Variants in ITGAL observed in about 807,000 individuals in gnomAD.
ITGAL encodes the protein integrin subunit alpha L, also known as integrin alpha-L.
Under a neutral mutation model 138.4 loss-of-function variants are expected in ITGAL, and 68 were observed. The ratio of observed to expected loss-of-function variants is 0.49; its 90% CI spans 0.40 to 0.60. The LOEUF is 0.60. Ranked by LOEUF, ITGAL falls within the 20% of genes least tolerant of loss-of-function variation. ITGAL has a pLI of 0.00. For missense variants in ITGAL, 1,256 were observed against 1,478.6 expected, an observed-to-expected ratio of 0.85 and a Z score of 2.47; for synonymous variants, 561 against 584.3, an observed-to-expected ratio of 0.96 and a Z score of 0.57.
intron 13 of ITGAL, among the ~76,000 whole-genome samples, chr16:30,495,578 C>T (rs1316363223): frequency 6.6e-6 from 1 of 151,996 alleles, no homozygotes; most frequent in Non-Finnish European, 1.5e-5. Flanking sequence ...GCCTGTAATC[C>T]CAGCACTTTG....
intron 11 of ITGAL, among the ~76,000 whole-genome samples, chr16:30,490,618 C>T (rs187230154): frequency 4.3e-4 from 65 of 152,272 alleles, no homozygotes; most frequent in African/African-American, 1.5e-3. Flanking sequence ...CTTTCAATGA[C>T]AGTGACTCTC....
chr16:30,475,257 TG>T, intron 2 of ITGAL, 48 bp from the exon 3 acceptor site: 2 of 1,311,014 alleles, frequency 1.5e-6, no homozygotes, highest in Non-Finnish European at 1.1e-6. Flanking sequence ...CAGGAGTAGA[TG>T]GGTACAGATC....
intron 2 of ITGAL, 144 bp downstream of exon 2, chr16:30,474,442 G>C (rs556302942): frequency 1.6e-6 from 1 of 623,762 alleles, no homozygotes; most frequent in Admixed American, 2.9e-5. Context: ...AGCCTGTGGT[G>C]GGAATCCTCA....
intron 4 of ITGAL, among the ~76,000 whole-genome samples, chr16:30,477,741 C>G (rs2050491382): frequency 6.6e-6 from 1 of 151,484 alleles, no homozygotes; most frequent in Non-Finnish European, 1.5e-5. Context: ...AAAAAAATAG[C>G]CAGGCATGGT....
Position 30,518,483 on chromosome 16 carries a change from A to G in ITGAL, c.3133-141A>G, listed in dbSNP as rs1336015100. On this transcript the variant is annotated intron_variant, in intron 28 of 30. Coordinates refer to ENST00000356798, the MANE Select transcript of ITGAL (RefSeq NM_002209.3). ...AAAAAAATAGAAAGAAAAGAATGCC[A>G]CAATAGAGAGTTGTGTAGAGATGGG... 3 of 602,960 alleles carry G rather than the reference A, an allele frequency of 5.0e-6. No individual in the cohort carries two copies. In the South Asian group the frequency reaches 6.1e-5, roughly 12 times the overall value. The allele number at this position is 602,960 out of a possible 1,614,324, so 37.4% of individuals were successfully genotyped here.
At chr16:30,515,530 T>C (rs994525114) in intron 25 of ITGAL, among the ~76,000 whole-genome samples, 1 of 152,174 alleles carries the variant, frequency 6.6e-6, no homozygotes, top group Non-Finnish European at 1.5e-5. Context: ...CCAGGCCCCA[T>C]AGTGTGATCT....
At position 30,519,837 on chromosome 16, in the gene ITGAL, T is replaced by TC; in HGVS notation, c.3229-16dup. 6.4e-7 allele frequency: 1 copy of TC among 1,558,948 alleles called. No homozygotes were observed. Among genetic ancestry groups the TC allele is most frequent in the Non-Finnish European group, 8.8e-7 (1 of 1,129,952 alleles). ...GGGTGGAAAAGGCATTTTCCGGCAC[T>TC]CCCCTCCCCCTGCTCCCAGGTTGTC... On this transcript the variant is annotated intron_variant, in intron 29 of 30. Transcript: ENST00000356798.
chr16:30,487,676 T>C (rs939428991), intron 9 of ITGAL, among the ~76,000 whole-genome samples: 12 of 150,988 alleles, frequency 7.9e-5, no homozygotes, highest in African/African-American at 2.9e-4. Flanking sequence ...CCTCCCAAAG[T>C]GCTAGGATTA....
intron 24 of ITGAL, among the ~76,000 whole-genome samples, chr16:30,511,464 G>A (rs1043003952): frequency 2.0e-5 from 3 of 152,202 alleles, no homozygotes; most frequent in African/African-American, 7.2e-5. Context: ...AGGCAGCTGT[G>A]CCGCTCTCCA....
chr16:30,511,587 C>T (rs1597103981), intron 24 of ITGAL, among the ~76,000 whole-genome samples: 1 of 152,196 alleles, frequency 6.6e-6, no homozygotes, highest in Non-Finnish European at 1.5e-5. Flanking sequence ...TCCAAAGGCC[C>T]AGCCAAGCTC....
At chr16:30,507,719 T>C (rs910187702) in intron 21 of ITGAL, among the ~76,000 whole-genome samples, 2 of 151,794 alleles carry the variant, frequency 1.3e-5, no homozygotes, top group African/African-American at 4.8e-5. Flanking sequence ...ACTTCTGAGC[T>C]CAAGCGATCT....
chr16:30,518,448 C>CA (rs371321025), intron 28 of ITGAL, among the ~76,000 whole-genome samples, 176 bp from the exon 29 acceptor site: 1,729 of 99,500 alleles, frequency 0.017, 20 homozygotes, highest in African/African-American at 0.037. Flanking sequence ...GACTCCATCT[C>CA]AAAAAAAAAA....
At chr16:30,488,968 T>G (rs1203893010) in intron 9 of ITGAL, 114 bp from the exon 10 acceptor site, 2 of 871,798 alleles carry the variant, frequency 2.3e-6, no homozygotes, top group African/African-American at 1.6e-5. Flanking sequence ...CTCACATGCA[T>G]GCCTTCTACC....
intron 6 of ITGAL, chr16:30,481,205 G>A (rs2050554183): frequency 2.1e-6 from 1 of 467,242 alleles, no homozygotes. Context: ...AAATATTCGG[G>A]TGTGGTGGCA....
In ITGAL at chr16:30,521,991, G is replaced by A. The variant is rs544313238; in HGVS notation, c.*326G>A. 2 of 272,378 alleles carry A rather than the reference G, an allele frequency of 7.3e-6. No individual in the cohort carries two copies. The highest frequency in any genetic ancestry group is 5.4e-5 in the South Asian group (1 of 18,422). The allele number at this position is 272,378 out of a possible 1,614,324, so 16.9% of individuals were successfully genotyped here. A position where few individuals can be genotyped will look rare whatever the true frequency, so the allele number is the denominator to read the frequency against. On this transcript the variant is annotated 3_prime_UTR_variant, in exon 31 of 31. Transcript: ENST00000356798. ...AACTGTAGTCTCAGGACCTAGGGAT[G>A]TTCTGGCCCTCACCCCTGCCCTGGG...
At chr16:30,510,521 G>A (rs770868365) in intron 22 of ITGAL, 50 bp downstream of exon 22, 1 of 1,078,610 alleles carries the variant, frequency 9.3e-7, no homozygotes, top group Admixed American at 1.7e-5. Context: ...GCCCTGAGCT[G>A]GTGGAGGGCA....
intron 21 of ITGAL, 28 bp downstream of exon 21, chr16:30,506,884 G>C: frequency 1.2e-6 from 2 of 1,612,266 alleles, no homozygotes; most frequent in Non-Finnish European, 1.7e-6. Context: ...GCCTGCCTGC[G>C]GGCATCTGTT....
intron 21 of ITGAL, among the ~76,000 whole-genome samples, chr16:30,508,209 ATTTTT>A (rs71149036): frequency 3.2e-5 from 3 of 95,096 alleles, no homozygotes; most frequent in African/African-American, 4.3e-5. Flanking sequence ...CGCCCGGCCT[ATTTTT>A]TTTTTTTTTT....
At chr16:30,520,261 C>T (rs2051233372) in intron 30 of ITGAL, among the ~76,000 whole-genome samples, 1 of 152,122 alleles carries the variant, frequency 6.6e-6, no homozygotes, top group Non-Finnish European at 1.5e-5. Flanking sequence ...TGGAAAGCAT[C>T]CGCCTCTACA....
Sources: allele counts gnomAD v4.1 joint callset (sites outside exome capture counted in the v4.1 genomes callset), GRCh38; gene constraint gnomAD v4.1.1; transcripts MANE v1.5; gene names NCBI Gene and HGNC (gene_info 2026-07-23, HGNC 2026-07-21).